Variants in MPHOSPH9 observed in about 807,000 individuals in gnomAD.
The protein encoded by MPHOSPH9 is M-phase phosphoprotein 9.
A neutral mutation model predicts 145.5 loss-of-function variants in MPHOSPH9; 88 were observed. The ratio of observed to expected loss-of-function variants is 0.60; its 90% confidence interval spans 0.51 to 0.72. The LOEUF is 0.72. Ranked by LOEUF, MPHOSPH9 falls within the 30% of genes least tolerant of loss-of-function variation. The pLI, the probability that MPHOSPH9 is intolerant of heterozygous loss-of-function variation, is 0.00. For synonymous variants in MPHOSPH9, 435 were observed against 486.2 expected (o/e 0.89, Z 1.39); for missense variants, 1,238 against 1,386.6 (o/e 0.89, Z 1.70).
intron 8 of MPHOSPH9, among the ~76,000 whole-genome samples, chr12:123,206,869 ACAC>A (rs772607520): frequency 2.6e-5 from 4 of 151,170 alleles, no homozygotes; most frequent in African/African-American, 4.9e-5. Context: ...AGCCGAGATC[ACAC>A]CACTGCACTC....
At chr12:123,221,990 A>G (rs1401698065) in intron 4 of MPHOSPH9, 95 bp from the exon 5 acceptor site, 1 of 734,642 alleles carries the variant, frequency 1.4e-6, no homozygotes, top group Non-Finnish European at 2.2e-6. Flanking sequence ...AAATATGATG[A>G]GATATTATTC....
chr12:123,240,209 CAAAA>C (rs55859746), intron 1 of MPHOSPH9, among the ~76,000 whole-genome samples: 227 of 135,014 alleles, frequency 1.7e-3, no homozygotes, highest in Admixed American at 1.8e-3. Flanking sequence ...ATTAAAAATA[CAAAA>C]AAAAAAAAAA....
At chr12:123,215,629 GCTTA>G (rs1174654247) in intron 6 of MPHOSPH9, among the ~76,000 whole-genome samples, 3 of 152,226 alleles carry the variant, frequency 2.0e-5, no homozygotes, top group African/African-American at 4.8e-5. Context: ...AGTAGTCCCT[GCTTA>G]CTTATCAATT....
chr12:123,163,878 C>G, intron 19 of MPHOSPH9, 72 bp downstream of exon 19: 1 of 1,579,344 alleles, frequency 6.3e-7, no homozygotes, highest in Non-Finnish European at 8.7e-7. Flanking sequence ...AACAGGCAAG[C>G]AGCGGGCACA....
At chr12:123,162,059 G>C (rs2044133436) in intron 21 of MPHOSPH9, 56 bp downstream of exon 21, 1 of 1,156,682 alleles carries the variant, frequency 8.6e-7, no homozygotes, top group Non-Finnish European at 1.2e-6. Context: ...AGAGATACCA[G>C]AATCTCAAAA....
At chr12:123,177,706 T>C (rs1277388856) in intron 15 of MPHOSPH9, among the ~76,000 whole-genome samples, 1 of 152,176 alleles carries the variant, frequency 6.6e-6, no homozygotes, top group Non-Finnish European at 1.5e-5. Context: ...AAACATAACA[T>C]TTATAAATAA....
intron 16 of MPHOSPH9, 71 bp downstream of exon 16, chr12:123,176,617 G>T: frequency 8.8e-7 from 1 of 1,138,360 alleles, no homozygotes. Context: ...GATTTAGACA[G>T]ATGAGTTTCT....
At chr12:123,239,398 TTTTGTTTTTTTG>T (rs1165471754) in intron 1 of MPHOSPH9, among the ~76,000 whole-genome samples, 1 of 79,952 alleles carries the variant, frequency 1.3e-5, no homozygotes, top group Admixed American at 1.5e-4. Context: ...GTAGCATTAG[TTTTGTTTTTTTG>T]TTTGTTTTTT....
intron 1 of MPHOSPH9, among the ~76,000 whole-genome samples, chr12:123,232,523 T>C (rs191114234): frequency 0.012 from 1,812 of 152,040 alleles, 15 homozygotes; most frequent in Non-Finnish European, 0.019. Flanking sequence ...TTATGAAACA[T>C]GAAAGTTAAC....
At chr12:123,241,139 TTG>T (rs1320311074) in intron 1 of MPHOSPH9, among the ~76,000 whole-genome samples, 68 of 107,086 alleles carry the variant, frequency 6.4e-4, no homozygotes, top group African/African-American at 1.6e-3. Context: ...TTATTTGGGG[TTG>T]TTTTTTTTTT....
In MPHOSPH9 at chr12:123,221,305, T is replaced by C. The variant is rs1716179; in HGVS notation, c.872+67A>G. 629 of 1,215,816 alleles carry C rather than the reference T, an allele frequency of 5.2e-4. 7 individuals carry two copies. In the African/African-American group the frequency reaches 8.8e-3, roughly 17 times the overall value. 75.3% of individuals were successfully genotyped at this position (1,215,816 alleles called of 1,614,324 possible). On this transcript the variant is annotated intron_variant, in intron 5 of 23. Coordinates refer to ENST00000606320, the MANE Select transcript of MPHOSPH9 (RefSeq NM_022782.4). ...TCAAATACATCTCATTCTATTATAG[T>C]GCATTAAAAGGAACACTAGATTCTA...
At chr12:123,238,640 AGT>A (rs1306148626) in intron 1 of MPHOSPH9, among the ~76,000 whole-genome samples, 1 of 152,128 alleles carries the variant, frequency 6.6e-6, no homozygotes, top group Non-Finnish European at 1.5e-5. Flanking sequence ...AGCTTTTAAA[AGT>A]GTCTGTCCTA....
At chr12:123,228,514 A>T (rs1014658068) in intron 2 of MPHOSPH9, among the ~76,000 whole-genome samples, 2 of 152,206 alleles carry the variant, frequency 1.3e-5, no homozygotes, top group South Asian at 2.1e-4. Context: ...ATGGTGAAAC[A>T]CCATCTCTAC....
intron 6 of MPHOSPH9, among the ~76,000 whole-genome samples, chr12:123,216,013 A>G (rs190063537): frequency 5.5e-4 from 83 of 152,264 alleles, no homozygotes; most frequent in Non-Finnish European, 9.9e-4. Flanking sequence ...CAAGGCGGGC[A>G]GATCACGAGG....
intron 13 of MPHOSPH9, among the ~76,000 whole-genome samples, chr12:123,184,877 C>T (rs1259395091): frequency 6.6e-6 from 1 of 152,180 alleles, no homozygotes; most frequent in African/African-American, 2.4e-5. Flanking sequence ...GATCTCAACT[C>T]ACTGCAATCT....
intron 11 of MPHOSPH9, among the ~76,000 whole-genome samples, chr12:123,199,431 T>C (rs1417486000): frequency 6.6e-6 from 1 of 152,174 alleles, no homozygotes; most frequent in Non-Finnish European, 1.5e-5. Flanking sequence ...GCACTGACTA[T>C]ACACCAGGTC....
At chr12:123,241,191 T>TA (rs1361388089) in intron 1 of MPHOSPH9, among the ~76,000 whole-genome samples, 3 of 150,386 alleles carry the variant, frequency 2.0e-5, no homozygotes, top group African/African-American at 7.3e-5. Context: ...GGAGTCTCAC[T>TA]ATGTTGCCCA....
At chr12:123,171,121 C>T (rs1442203246) in intron 16 of MPHOSPH9, among the ~76,000 whole-genome samples, 1 of 152,120 alleles carries the variant, frequency 6.6e-6, no homozygotes, top group Non-Finnish European at 1.5e-5. Context: ...CTTCTGGATA[C>T]TTTTCCTTTA....
At chr12:123,175,604 T>A (rs1333934655) in intron 16 of MPHOSPH9, among the ~76,000 whole-genome samples, 1 of 152,054 alleles carries the variant, frequency 6.6e-6, no homozygotes, top group African/African-American at 2.4e-5. Flanking sequence ...ACCTGAGGAC[T>A]TACCAAGGCA....
Sources: allele counts gnomAD v4.1 joint callset (sites outside exome capture counted in the v4.1 genomes callset), GRCh38; gene constraint gnomAD v4.1.1; transcripts MANE v1.5; gene names NCBI Gene and HGNC (gene_info 2026-07-23, HGNC 2026-07-21).